CDHR5: variants seen among roughly 807,000 people sequenced by gnomAD.
CDHR5 encodes cadherin related family member 5.
In CDHR5, 82 loss-of-function variants were observed where a neutral mutation model predicts 69.5. The ratio of observed to expected loss-of-function variants is 1.18; its 90% CI spans 0.99 to 1.42. The LOEUF (loss-of-function observed/expected upper bound fraction) is 1.42. Among genes scored for constraint, CDHR5 ranks in the 40% most tolerant of loss-of-function variants. The pLI is 0.00. For synonymous variants in CDHR5, 601 were observed against 510.2 expected (o/e 1.18, Z -2.40); for missense variants, 1,293 against 1,168.9 (o/e 1.11, Z -1.55).
chr11:619,983 G>GCCCCGGCCCCCCAGCCCTGA, intron 9 of CDHR5, 84 bp downstream of exon 9: 1 of 1,342,796 alleles, frequency 7.4e-7, no homozygotes, highest in African/African-American at 1.5e-5. Context: ...CGGGGGCCCT[G>GCCCCGGCCCCCCAGCCCTGA]CCCCGGCCCC....
intron 11 of CDHR5, 28 bp downstream of exon 11, chr11:619,446 G>A: frequency 1.2e-6 from 2 of 1,605,830 alleles, no homozygotes; most frequent in Non-Finnish European, 1.7e-6. Flanking sequence ...CCACACCCTT[G>A]GAGATGCCCG....
intron 3 of CDHR5, among the ~76,000 whole-genome samples, chr11:623,458 G>A (rs904473842): frequency 2.6e-5 from 4 of 152,092 alleles, no homozygotes; most frequent in Admixed American, 6.6e-5. Context: ...TAATAAAGCC[G>A]AAAAAAATGC....
rs1447897072 is a variant in CDHR5, at chr11:621,058, A to G, written c.789+22T>C. On this transcript the variant is annotated intron_variant, in intron 7 of 14. Transcript: ENST00000397542. The surrounding 1 kb of genome is among the most constrained non-coding windows in gnomAD (Gnocchi z 4.4). ...CTGCCTAGAAGGCCCTGCCCCGTGC[A>G]CTGCCCCTCCCTCCCCATTACCAGT... 3.4e-6 allele frequency: 5 copies of G among 1,458,256 alleles called. No individual in the cohort carries two copies. The highest frequency in any genetic ancestry group is 4.6e-6 in the Non-Finnish European group (5 of 1,096,808). The allele number at this position is 1,458,256 out of a possible 1,614,324, so 90.3% of individuals were successfully genotyped here.
rs548339333 is a variant in CDHR5 at position 618,979 on chromosome 11, C to T, written c.1580G>A (p.Ser527Asn). 1.7e-4 allele frequency: 271 copies of T among 1,613,306 alleles called. 4 individuals are homozygous for T. The South Asian group carries it at 2.8e-3, about 17-fold the overall frequency. Residue 527 changes from serine to asparagine, a missense_variant, in exon 13 of 15, where the codon AGC becomes AAC. Physicochemically the swap from Ser to Asn is conservative, Grantham distance 46. Transcript: ENST00000397542. Reference protein sequence around the residue: ...TPGGPPGAENSTSHQPATPGG... With the variant: ...TPGGPPGAENNTSHQPATPGG... Reference sequence around the variant, plus strand: ...GGGAGTGGCTGGTTGGTGGGAGGTGCTGTTTTCTGCACCCGGGGGCCCCCC... The same window carrying T: ...GGGAGTGGCTGGTTGGTGGGAGGTGTTGTTTTCTGCACCCGGGGGCCCCCC...
Position 618,636 on chromosome 11 carries a change from A to C in CDHR5, c.1923T>G (p.Ser641=), listed in dbSNP as rs1181730907. The change falls in exon 13 of 15, where the codon TCT becomes TCG. Residue 641 remains serine, a synonymous_variant. Coordinates refer to ENST00000397542, the MANE Select transcript of CDHR5 (RefSeq NM_021924.5). ...GTAQTPEPGT[S]QPMPLSKSTP... ...TGCTCTTGCTGAGGGGCATCGGCTG[A>C]GAGGTTCCTGGCTCTGGGGTCTGTG... 1 of 1,613,538 alleles carries C rather than the reference A, an allele frequency of 6.2e-7. No homozygotes were observed. Among genetic ancestry groups the C allele is most frequent in the Non-Finnish European group, 8.5e-7 (1 of 1,179,796 alleles).
rs1564898555 is a variant in CDHR5, at chr11:621,213, G to C, written c.656C>G (p.Ala219Gly). ...CACGTTCAGCACTAGTGTGGCGGTG[G>C]CAGTGTGGCTGGGTTCCACATTCTC... ...PGENVEPSHTATATLVLNVVP... is the reference protein window; with the variant it reads ...PGENVEPSHTGTATLVLNVVP... The change falls in exon 7 of 15, where the codon GCC becomes GGC. Residue 219 changes from alanine (A) to glycine (G), a missense_variant. By Grantham distance (60) the Ala-to-Gly change is moderately conservative. Transcript: ENST00000397542. The surrounding 1 kb of genome is among the most constrained non-coding windows in gnomAD (Gnocchi z 4.4). 1.1e-5 allele frequency: 18 copies of C among 1,599,288 alleles called. No individual in the cohort carries two copies. The highest frequency in any genetic ancestry group is 1.7e-5 in the Admixed American group (1 of 59,038).
rs559648965 is a variant in CDHR5, at chr11:621,298, G to A, written c.618+47C>T. On this transcript the variant is annotated intron_variant, in intron 6 of 14. Transcript: ENST00000397542. This position sits in a 1 kb window ranked among gnomAD's most constrained non-coding sequence, Gnocchi z 4.4. The stretch of plus-strand genomic sequence containing the variant: ...ATCAGGCCTGGGAGCAGCTGGGGCC[G>A]GGGGGCCTCAAGTGTGTGGGACTCG... 3.5e-5 allele frequency: 57 copies of A among 1,607,868 alleles called. No homozygotes were observed. Among genetic ancestry groups the A allele is most frequent in the East Asian group, 4.5e-5 (2 of 44,812 alleles).
At chr11:618,506 G>T in intron 13 of CDHR5, 93 bp downstream of exon 13, 1 of 1,447,444 alleles carries the variant, frequency 6.9e-7, no homozygotes, top group Non-Finnish European at 9.5e-7. Context: ...TCATGGTCAG[G>T]CCAGGTCAGC....
chr11:621,003 C>T lies in CDHR5; in HGVS notation c.789+77G>A, dbSNP rs1377060253. ...CCCTGACCCCGACCCCGCCCTTCCT[C>T]TCCTGATCCTGGCCGTCCCTGTGTC... On this transcript the variant is annotated intron_variant, in intron 7 of 14. Coordinates refer to ENST00000397542, the MANE Select transcript of CDHR5 (RefSeq NM_021924.5). The surrounding 1 kb of genome is among the most constrained non-coding windows in gnomAD (Gnocchi z 4.4). The T allele has an allele frequency of 6.1e-6, 6 of 987,356 alleles. No homozygotes were observed. The highest frequency in any genetic ancestry group is 3.9e-5 in the South Asian group (2 of 51,796). 61.2% of individuals were successfully genotyped at this position (987,356 alleles called of 1,614,324 possible). A position where few individuals can be genotyped will look rare whatever the true frequency, so the allele number is the denominator to read the frequency against.
At chr11:620,641 A>G (rs141706202) in intron 7 of CDHR5, among the ~76,000 whole-genome samples, 34 of 152,296 alleles carry the variant, frequency 2.2e-4, no homozygotes, top group Middle Eastern at 3.4e-3. Context: ...GCTTGTCTTG[A>G]CGGGTAAGCA....
In CDHR5 at chr11:624,862, G is replaced by C. The variant is rs1382749772; in HGVS notation, c.41C>G (p.Thr14Ser). ...CCCCGGGGGTCGGACGAGCAGCCCGGTGAACAGCAGGGGAGGCCACAGCAG... is the reference window on the plus strand; with the variant it reads ...CCCCGGGGGTCGGACGAGCAGCCCGCTGAACAGCAGGGGAGGCCACAGCAG... ...WALLWPPLLF[T>S]GLLVRPPGTM... is the part of the protein sequence containing the mutation. Residue 14 changes from threonine (T) to serine (S), a missense_variant, in exon 1 of 15, where the codon ACC becomes AGC. Thr to Ser is a moderately conservative substitution (Grantham distance 58). Coordinates refer to ENST00000397542, the MANE Select transcript of CDHR5 (RefSeq NM_021924.5). This position sits in a 1 kb window ranked among gnomAD's most constrained non-coding sequence, Gnocchi z 5.3. 6.3e-7 allele frequency: 1 copy of C among 1,585,690 alleles called. No homozygotes were observed. The highest frequency in any genetic ancestry group is 2.3e-5 in the East Asian group (1 of 43,992).
At position 618,862 on chromosome 11, in the gene CDHR5, G is replaced by A; in HGVS notation, c.1697C>T (p.Pro566Leu). ...GTSTSHQPAT[P>L]SGGTAQTPEP... ...TGGGGTCTGTGCTGTGCCCCCACTG[G>A]GTGTGGCTGGTTGGTGGGAGGTGCT... The change falls in exon 13 of 15, where the codon CCC (proline) becomes CTC (leucine). Residue 566 changes from proline to leucine, a missense_variant. Physicochemically the swap from Pro to Leu is moderately conservative, Grantham distance 98. Coordinates refer to ENST00000397542, the MANE Select transcript of CDHR5 (RefSeq NM_021924.5). 1.2e-6 allele frequency: 2 copies of A among 1,611,406 alleles called. No individual in the cohort carries two copies. Among genetic ancestry groups the A allele is most frequent in the Non-Finnish European group, 1.7e-6 (2 of 1,179,334 alleles).
In CDHR5 at chr11:621,881, C is replaced by A. The variant is rs778643932; in HGVS notation, c.336G>T (p.Val112=). The A allele has an allele frequency of 3.1e-6, 5 of 1,613,436 alleles. No individual in the cohort carries two copies. In the African/African-American group the frequency reaches 6.7e-5, roughly 22 times the overall value. Residue 112 remains valine, a synonymous_variant, in exon 4 of 15, where the codon GTG becomes GTT. Coordinates refer to ENST00000397542, the MANE Select transcript of CDHR5 (RefSeq NM_021924.5). The surrounding 1 kb of genome is among the most constrained non-coding windows in gnomAD (Gnocchi z 4.4). ...GTLVTQLRVF[V]SVLDVNDNAP... The stretch of plus-strand genomic sequence containing the variant: ...CATTGTCATTGACGTCCAGCACTGA[C>A]ACGAACACCCTTAGCTGGGTCACCT...
intron 9 of CDHR5, 60 bp downstream of exon 9, chr11:620,007 C>A: frequency 4.5e-6 from 6 of 1,320,652 alleles, no homozygotes; most frequent in Non-Finnish European, 6.2e-6. Flanking sequence ...GCCCTGACCC[C>A]CCGCCCTACC....
chr11:619,021 G>T lies in CDHR5; in HGVS notation c.1538C>A (p.Pro513Gln), dbSNP rs1857181626. The change falls in exon 13 of 15, where the codon CCA (proline) becomes CAA (glutamine). Residue 513 changes from proline (P) to glutamine (Q), a missense_variant. By Grantham distance (76) the Pro-to-Gln change is moderately conservative. Coordinates refer to ENST00000397542, the MANE Select transcript of CDHR5 (RefSeq NM_021924.5). ...GGGCCCCCCGGGTGTGGACGAGGTT[G>T]GTGGCCTCAGAGTTGTGCCAGAGGG... ...HPPSGTTLRP[P>Q]TSSTPGGPPG... 2 of 1,613,614 alleles carry T rather than the reference G, an allele frequency of 1.2e-6. No homozygotes were observed. The highest frequency in any genetic ancestry group is 1.7e-6 in the Non-Finnish European group (2 of 1,179,850).
chr11:621,861 T>C lies in CDHR5; in HGVS notation c.356A>G (p.Asp119Gly). 6.2e-6 allele frequency: 10 copies of C among 1,613,726 alleles called. No individual in the cohort carries two copies. The highest frequency in any genetic ancestry group is 8.5e-6 in the Non-Finnish European group (10 of 1,179,902). ...RVFVSVLDVN[D>G]NAPEFPFKTK... is the part of the protein sequence containing the mutation. ...CTTAAAGGGGAATTCGGGGGCATTG[T>C]CATTGACGTCCAGCACTGACACGAA... Residue 119 changes from aspartate to glycine, a missense_variant, in exon 4 of 15, where the codon GAC (aspartate) becomes GGC (glycine). Asp to Gly is a moderately conservative substitution (Grantham distance 94). Coordinates refer to ENST00000397542, the MANE Select transcript of CDHR5 (RefSeq NM_021924.5). The surrounding 1 kb of genome is among the most constrained non-coding windows in gnomAD (Gnocchi z 4.4).
rs553696668 is a variant in CDHR5 at position 618,761 on chromosome 11, C to G, written c.1798G>C (p.Gly600Arg). 1.2e-6 allele frequency: 2 copies of G among 1,604,300 alleles called. No individual in the cohort carries two copies. Among genetic ancestry groups the G allele is most frequent in the East Asian group, 2.3e-5 (1 of 44,308 alleles). Reference sequence around the variant, plus strand: ...CCTGCCTCTGGGGTCTGTGCTGTGCCCCCACCGGGTGTGGCTGGTTGGTGG... The same window carrying G: ...CCTGCCTCTGGGGTCTGTGCTGTGCGCCCACCGGGTGTGGCTGGTTGGTGG... ...TSHQPATPGGGTAQTPEAGTS... is the reference protein window; with the variant it reads ...TSHQPATPGGRTAQTPEAGTS... Residue 600 changes from glycine (G) to arginine (R), a missense_variant, in exon 13 of 15, where the codon GGC (glycine) becomes CGC (arginine). Coordinates refer to ENST00000397542, the MANE Select transcript of CDHR5 (RefSeq NM_021924.5).
Position 624,307 on chromosome 11 carries a change from G to A in CDHR5, c.262-44C>T. The A allele has an allele frequency of 1.3e-6, 1 of 743,350 alleles. No homozygotes were observed. The highest frequency in any genetic ancestry group is 2.3e-4 in the Middle Eastern group (1 of 4,392). 46.0% of individuals were successfully genotyped at this position (743,350 alleles called of 1,614,324 possible). A position where few individuals can be genotyped will look rare whatever the true frequency, so the allele number is the denominator to read the frequency against. The stretch of plus-strand genomic sequence containing the variant: ...CTGCAGTCACCGTCCTGCCCCACAG[G>A]TGGGGAGACTGAGGCCAAGTGGGCA... On this transcript the variant is annotated intron_variant, in intron 2 of 14. Coordinates refer to ENST00000397542, the MANE Select transcript of CDHR5 (RefSeq NM_021924.5). The surrounding 1 kb of genome is among the most constrained non-coding windows in gnomAD (Gnocchi z 5.3).
rs111246420 is a variant in CDHR5 at position 617,854 on chromosome 11, C to G, written c.2119-84G>C. ...CACACCCTCATTCCACGCTGGACAC[C>G]CCTCCGTCTCCACATCTGTCCCTCT... On this transcript the variant is annotated intron_variant, in intron 14 of 14. Transcript: ENST00000397542. 1.0e-5 allele frequency: 15 copies of G among 1,490,856 alleles called. No individual in the cohort carries two copies. In the East Asian group the frequency reaches 3.6e-4, roughly 36 times the overall value. 92.4% of individuals were successfully genotyped at this position (1,490,856 alleles called of 1,614,324 possible).
Sources: gnomAD v4.1 joint callset for allele counts (sites outside exome capture counted in the v4.1 genomes callset) on GRCh38, gnomAD v4.1.1 for gene constraint, Gnocchi (gnomAD v3.1) non-coding constraint, MANE v1.5 for transcripts, NCBI Gene and HGNC (gene_info 2026-07-23, HGNC 2026-07-21) for gene names.